CHODL: variants seen among roughly 807,000 people sequenced by gnomAD.
CHODL encodes the protein chondrolectin.
Under a neutral mutation model 34.5 loss-of-function variants are expected in CHODL, and 29 were observed. The observed-to-expected ratio is 0.84, with a 90% CI of 0.63 to 1.15. CHODL has a LOEUF of 1.15. Among genes scored for constraint, CHODL ranks in the 50% most tolerant of loss-of-function variants. The pLI, the probability that CHODL is intolerant of heterozygous loss-of-function variation, is 0.00. For missense variants in CHODL, 332 were observed against 332.5 expected (o/e 1.00, Z 0.01); for synonymous variants, 125 against 116.1 (o/e 1.08, Z -0.49).
intron 2 of CHODL, among the ~76,000 whole-genome samples, chr21:18,156,074 C>T (rs571126355): frequency 1.1e-4 from 16 of 152,274 alleles, no homozygotes; most frequent in East Asian, 3.9e-4. Flanking sequence ...TATGACCTGA[C>T]GTATTTCTTT....
chr21:17,965,984 T>TTAA (rs2146357151), intron 1 of CHODL, among the ~76,000 whole-genome samples: 1 of 151,842 alleles, frequency 6.6e-6, no homozygotes, highest in African/African-American at 2.4e-5. Context: ...GTGGTTATGA[T>TTAA]ACAACATGCA....
At chr21:18,097,669 A>G (rs1358637519) in intron 2 of CHODL, among the ~76,000 whole-genome samples, 1 of 152,116 alleles carries the variant, frequency 6.6e-6, no homozygotes, top group Non-Finnish European at 1.5e-5. Flanking sequence ...AGTCAATGCA[A>G]TCTCCATCAA....
chr21:18,200,491 A>T (rs2073639243), intron 2 of CHODL, among the ~76,000 whole-genome samples: 1 of 152,206 alleles, frequency 6.6e-6, no homozygotes, highest in South Asian at 2.1e-4. Flanking sequence ...TTTCAGAGGA[A>T]GTTATGTGAA....
At chr21:18,167,521 A>G (rs1009630186) in intron 2 of CHODL, among the ~76,000 whole-genome samples, 9 of 151,790 alleles carry the variant, frequency 5.9e-5, no homozygotes, top group Non-Finnish European at 1.2e-4. Flanking sequence ...GTGTTAGCCA[A>G]GATGGTCTCA....
chr21:18,020,733 A>T (rs1024868962), intron 1 of CHODL, among the ~76,000 whole-genome samples: 1 of 152,136 alleles, frequency 6.6e-6, no homozygotes, highest in Non-Finnish European at 1.5e-5. Flanking sequence ...ATATTTGGAG[A>T]TGGGGCCTCT....
At chr21:18,134,033 G>A (rs966606217) in intron 2 of CHODL, among the ~76,000 whole-genome samples, 4 of 152,074 alleles carry the variant, frequency 2.6e-5, no homozygotes, top group Admixed American at 6.6e-5. Flanking sequence ...AGATATATCT[G>A]AGCAATTTGC....
At chr21:18,064,408 C>T (rs1227026811) in intron 2 of CHODL, among the ~76,000 whole-genome samples, 1 of 152,144 alleles carries the variant, frequency 6.6e-6, no homozygotes, top group Non-Finnish European at 1.5e-5. Context: ...AAAATGAATC[C>T]AAATTAAACA....
At chr21:18,184,128 T>C (rs28488090) in intron 2 of CHODL, among the ~76,000 whole-genome samples, 3,397 of 152,294 alleles carry the variant, frequency 0.022, 123 homozygotes, top group African/African-American at 0.075. Context: ...TAATTTTGTA[T>C]TGCTAAAAAT....
chr21:18,204,348 A>G (rs147994159), intron 2 of CHODL, among the ~76,000 whole-genome samples: 2,446 of 152,222 alleles, frequency 0.016, 34 homozygotes, highest in Non-Finnish European at 0.027. Context: ...CTTTAGGATA[A>G]TATCTCGAAG....
chr21:18,205,903 A>G (rs1241663187), intron 2 of CHODL, among the ~76,000 whole-genome samples: 1 of 152,074 alleles, frequency 6.6e-6, no homozygotes, highest in Admixed American at 6.6e-5. Flanking sequence ...TGCCTGGCTA[A>G]TTTAGGAGCA....
chr21:18,212,665 A>G (rs1331376398), intron 2 of CHODL, among the ~76,000 whole-genome samples: 1 of 152,144 alleles, frequency 6.6e-6, no homozygotes, highest in Non-Finnish European at 1.5e-5. Flanking sequence ...AACTGGGACA[A>G]TATTTAATAC....
At chr21:17,928,032 T>A (rs2063242227) in intron 1 of CHODL, among the ~76,000 whole-genome samples, 1 of 152,196 alleles carries the variant, frequency 6.6e-6, no homozygotes, top group Non-Finnish European at 1.5e-5. Context: ...TTATATTGAA[T>A]AGGTTCACTA....
At chr21:18,076,993 G>A (rs183522891) in intron 2 of CHODL, among the ~76,000 whole-genome samples, 2 of 152,312 alleles carry the variant, frequency 1.3e-5, no homozygotes, top group East Asian at 3.9e-4. Flanking sequence ...TTGGAACCTT[G>A]GCGGCCTATT....
chr21:18,136,563 A>G (rs957934435), intron 2 of CHODL, among the ~76,000 whole-genome samples: 7 of 152,032 alleles, frequency 4.6e-5, no homozygotes, highest in African/African-American at 1.7e-4. Context: ...AGGAGAAGTA[A>G]TTATTTGGTA....
intron 2 of CHODL, among the ~76,000 whole-genome samples, chr21:18,095,879 C>T (rs575747619): frequency 6.6e-6 from 1 of 152,250 alleles, no homozygotes; most frequent in Non-Finnish European, 1.5e-5. Flanking sequence ...AATATATCAT[C>T]TCAAGAGAAT....
At chr21:17,924,814 C>T (rs1398973775) in intron 1 of CHODL, among the ~76,000 whole-genome samples, 1 of 152,154 alleles carries the variant, frequency 6.6e-6, no homozygotes, top group Non-Finnish European at 1.5e-5. Flanking sequence ...ATCATATCCA[C>T]CTTGTAAAAC....
chr21:17,992,608 A>G (rs985245595), intron 1 of CHODL, among the ~76,000 whole-genome samples: 3 of 150,720 alleles, frequency 2.0e-5, no homozygotes, highest in Admixed American at 6.6e-5. Flanking sequence ...GTCTTTTTTT[A>G]GATAGTTTGC....
chr21:18,200,665 T>G (rs1253796733), intron 2 of CHODL, among the ~76,000 whole-genome samples: 1 of 152,198 alleles, frequency 6.6e-6, no homozygotes, highest in African/African-American at 2.4e-5. Flanking sequence ...ATTACTTAAT[T>G]GGAACCGGTA....
Position 17,987,238 on chromosome 21 carries a change from G to A in CHODL, c.-144-40634G>A, listed in dbSNP as rs983024643. On this transcript the variant is annotated intron_variant, in intron 1 of 6. Coordinates refer to the CHODL transcript ENST00000400127. ...TTATTATTCCTAAAAACTAAGCCAG[G>A]GACAGGGTTTCTACCACAGATAGAA... Among the ~76,000 whole-genome samples the A allele has an allele frequency of 8.5e-5, 13 of 152,114 alleles. No individual in the cohort carries two copies. In the Middle Eastern group the frequency reaches 0.017, roughly 199 times the overall value.
Sources: allele counts gnomAD v4.1 joint callset (sites outside exome capture counted in the v4.1 genomes callset), GRCh38; gene constraint gnomAD v4.1.1; transcripts MANE v1.5; gene names NCBI Gene and HGNC (gene_info 2026-07-23, HGNC 2026-07-21).